Variants in ZNF584 observed in about 807,000 individuals in gnomAD.
ZNF584 encodes the protein zinc finger protein 584.
In ZNF584, 12 loss-of-function variants were observed where a neutral mutation model predicts 14.7. The observed-to-expected ratio is 0.82, with a 90% confidence interval of 0.52 to 1.32. ZNF584 has a LOEUF of 1.32. Among genes scored for constraint, ZNF584 ranks in the 40% most tolerant of loss-of-function variants. The pLI, the probability that ZNF584 is intolerant of heterozygous loss-of-function variation, is 0.00. For synonymous variants in ZNF584, 204 were observed against 190.9 expected (o/e 1.07, Z -0.57); for missense variants, 478 against 518.8 (o/e 0.92, Z 0.76).
rs2052506533 is a variant in ZNF584 at position 58,409,106 on chromosome 19, G to A, written c.-42G>A. ...TCCGCGCCCGGGACGCGTTTCGGCTGAGGCCGTGGGTCCAGTCCACGGGTT... is the reference window on the plus strand; with the variant it reads ...TCCGCGCCCGGGACGCGTTTCGGCTAAGGCCGTGGGTCCAGTCCACGGGTT... On this transcript the variant is annotated 5_prime_UTR_variant, in exon 1 of 4. Coordinates refer to ENST00000306910, the MANE Select transcript of ZNF584 (RefSeq NM_173548.3). The A allele has an allele frequency of 6.8e-7, 1 of 1,472,474 alleles. No individual in the cohort carries two copies. 91.2% of individuals were successfully genotyped at this position (1,472,474 alleles called of 1,614,324 possible). A position where few individuals can be genotyped will look rare whatever the true frequency, so the allele number is the denominator to read the frequency against.
chr19:58,411,177 G>GCCCA (rs1042315996), intron 2 of ZNF584, among the ~76,000 whole-genome samples: 4 of 151,864 alleles, frequency 2.6e-5, no homozygotes, highest in Admixed American at 6.6e-5. Context: ...TTTTGCAGAT[G>GCCCA]CCCATTTCAG....
upstream of ZNF584, among the ~76,000 whole-genome samples, chr19:58,407,717 C>A (rs2052485878): frequency 6.6e-6 from 1 of 152,234 alleles, no homozygotes; most frequent in Admixed American, 6.5e-5. Context: ...TGGACCTTGC[C>A]TAAGAACTCC....
At chr19:58,408,392 T>G (rs560392986), upstream of ZNF584, 19 of 152,264 alleles carry the variant, frequency 1.2e-4, no homozygotes, top group Non-Finnish European at 2.8e-4. Context: ...ACTTCCCGAT[T>G]CTCGCGCCTT....
chr19:58,415,896 G>A (rs1450500523), intron 3 of ZNF584: 1 of 1,599,088 alleles, frequency 6.3e-7, no homozygotes, highest in Non-Finnish European at 8.5e-7. Context: ...GTCTACTGTT[G>A]GCGACTCAGT....
chr19:58,405,048 C>G (rs2052457102), upstream of ZNF584: 1 of 148,036 alleles, frequency 6.8e-6, no homozygotes, highest in Admixed American at 6.8e-5. Flanking sequence ...GGGGGCTGAC[C>G]CCCCCACCTC....
At position 58,415,622 on chromosome 19, in the gene ZNF584, G is replaced by A. The variant is rs1330890716; in HGVS notation, c.268G>A (p.Glu90Lys). The change falls in exon 3 of 4, where the codon GAA becomes AAA. Residue 90 changes from glutamate (E) to lysine (K), a missense_variant. By Grantham distance (56) the Glu-to-Lys change is moderately conservative. Coordinates refer to ENST00000306910, the MANE Select transcript of ZNF584 (RefSeq NM_173548.3). The part of the protein sequence containing the change: ...WVDVTPVSRA[E>K]ARRGFGLDGL... The stretch of plus-strand genomic sequence containing the variant: ...GGATGTGACTCCAGTCAGCAGAGCA[G>A]AAGCCAGGAGAGGTTTTGGTCTTGG... The A allele has an allele frequency of 6.2e-7, 1 of 1,614,096 alleles. No individual in the cohort carries two copies. Among genetic ancestry groups the A allele is most frequent in the Admixed American group, 1.7e-5 (1 of 60,012 alleles).
intron 1 of ZNF584, among the ~76,000 whole-genome samples, chr19:58,402,963 A>G (rs1200185846): frequency 6.6e-6 from 1 of 152,228 alleles, no homozygotes; most frequent in Admixed American, 6.5e-5. Context: ...AAATTGAAAC[A>G]ATAATGAGAT....
upstream of ZNF584, chr19:58,404,406 G>A (rs1434896349): frequency 2.0e-5 from 3 of 152,488 alleles, no homozygotes; most frequent in African/African-American, 7.3e-5. Context: ...GTGTCCCTGG[G>A]TACTTGAGAT....
intron 2 of ZNF584, among the ~76,000 whole-genome samples, chr19:58,410,537 A>ATGTG (rs2052533771): frequency 4.1e-5 from 1 of 24,654 alleles, no homozygotes; most frequent in Admixed American, 4.6e-4. Context: ...ATATATATAT[A>ATGTG]TATATATATA....
chr19:58,409,681 TG>T (rs2052517304), intron 1 of ZNF584, among the ~76,000 whole-genome samples: 1 of 152,196 alleles, frequency 6.6e-6, no homozygotes, highest in African/African-American at 2.4e-5. Flanking sequence ...ACCAACCTGA[TG>T]TCGCTTTGGG....
chr19:58,410,573 G>GTGTA (rs1453054517), intron 2 of ZNF584, among the ~76,000 whole-genome samples: 12 of 6,434 alleles, frequency 1.9e-3, no homozygotes, highest in South Asian at 3.7e-3. Flanking sequence ...ATATATATAT[G>GTGTA]TATATATATG....
Position 58,417,341 on chromosome 19 carries a change from TGTG to T in ZNF584, c.826_828del (p.Gly276del), listed in dbSNP as rs1372176848. ...AGAAAGGCCTTACGAGTGCAGCAAA[TGTG>T]GTAAAACCTTCAGTGTTCTGTCTAC... On this transcript the variant is annotated inframe_deletion, in exon 4 of 4. Transcript: ENST00000306910. The T allele has an allele frequency of 1.9e-6, 3 of 1,614,134 alleles. No individual in the cohort carries two copies. In the South Asian group the frequency reaches 3.3e-5, roughly 18 times the overall value.
chr19:58,408,568 C>T (rs1184782544), upstream of ZNF584: 1 of 152,396 alleles, frequency 6.6e-6, no homozygotes, highest in African/African-American at 2.4e-5. Context: ...TTGGCCAAGT[C>T]TGAACGGCCC....
intron 2 of ZNF584, among the ~76,000 whole-genome samples, chr19:58,412,077 G>A (rs1387493979): frequency 6.7e-6 from 1 of 148,742 alleles, no homozygotes; most frequent in African/African-American, 2.5e-5. Context: ...CACCTCTTGG[G>A]TTCAAGTGAT....
At chr19:58,414,548 T>C (rs1325212625) in intron 2 of ZNF584, among the ~76,000 whole-genome samples, 2 of 152,064 alleles carry the variant, frequency 1.3e-5, no homozygotes, top group East Asian at 3.9e-4. Flanking sequence ...TTCACTGTGT[T>C]AGCCAGGATG....
Position 58,408,858 on chromosome 19 carries a change from G to A in ZNF584, c.-290G>A, listed in dbSNP as rs1568582844. 1 of 362,302 alleles carries A rather than the reference G, an allele frequency of 2.8e-6. No individual in the cohort carries two copies. The highest frequency in any genetic ancestry group is 5.0e-6 in the Non-Finnish European group (1 of 200,238). The allele number at this position is 362,302 out of a possible 1,614,324, so 22.4% of individuals were successfully genotyped here. On this transcript the variant is annotated 5_prime_UTR_variant, in exon 1 of 4. Transcript: ENST00000306910. ...GACTTCCTCGCGATCCCCTGCGCGA[G>A]GTGAAGGGCAGGGACCTTTGCCGCG...
chr19:58,418,162 C>G lies in ZNF584; in HGVS notation c.*378C>G. 1 of 230,434 alleles carries G rather than the reference C, an allele frequency of 4.3e-6. No individual in the cohort carries two copies. The highest frequency in any genetic ancestry group is 8.5e-6 in the Non-Finnish European group (1 of 117,096). The allele number at this position is 230,434 out of a possible 1,614,324, so 14.3% of individuals were successfully genotyped here. ...AGCTGTGGACATGACCCACCTCTGG[C>G]CGGAGGAGCTGAGCTGGTATCTGCT... On this transcript the variant is annotated 3_prime_UTR_variant, in exon 4 of 4. Coordinates refer to ENST00000306910, the MANE Select transcript of ZNF584 (RefSeq NM_173548.3).
intron 1 of ZNF584, among the ~76,000 whole-genome samples, chr19:58,402,329 A>T (rs1436140800): frequency 6.6e-6 from 1 of 152,106 alleles, no homozygotes; most frequent in Non-Finnish European, 1.5e-5. Context: ...GTGGGAGAAG[A>T]AGTGCCCAAG....
At chr19:58,401,967 G>A (rs1332171881) in intron 1 of ZNF584, among the ~76,000 whole-genome samples, 1 of 150,048 alleles carries the variant, frequency 6.7e-6, no homozygotes, top group African/African-American at 2.5e-5. Context: ...CACTCGGGAG[G>A]CTGAGGCAGG....
Sources: gnomAD v4.1 joint callset for allele counts (sites outside exome capture counted in the v4.1 genomes callset) on GRCh38, gnomAD v4.1.1 for gene constraint, MANE v1.5 for transcripts, NCBI Gene and HGNC (gene_info 2026-07-23, HGNC 2026-07-21) for gene names.